Variants in CYP2J2 observed in about 807,000 individuals in gnomAD.
The protein encoded by CYP2J2 is cytochrome P450 family 2 subfamily J member 2.
Under a neutral mutation model 48.8 loss-of-function variants are expected in CYP2J2, and 41 were observed. The observed-to-expected ratio is 0.84, with a 90% confidence interval of 0.66 to 1.09. The LOEUF (loss-of-function observed/expected upper bound fraction) is 1.09, where lower values mean the gene tolerates loss of function less well. Ranked by LOEUF, CYP2J2 falls within the 50% of genes least tolerant of loss-of-function variation. CYP2J2 has a pLI of 0.00. For missense variants in CYP2J2, 644 were observed against 617.3 expected, an observed-to-expected ratio of 1.04 and a Z score of -0.46; for synonymous variants, 221 against 227.1, an observed-to-expected ratio of 0.97 and a Z score of 0.24.
At chr1:59,911,091 T>C (rs1357321138) in intron 4 of CYP2J2, among the ~76,000 whole-genome samples, 3 of 152,188 alleles carry the variant, frequency 2.0e-5, no homozygotes, top group Non-Finnish European at 2.9e-5. Flanking sequence ...GCTTTATTCA[T>C]AGCATCCAAA....
intron 7 of CYP2J2, among the ~76,000 whole-genome samples, chr1:59,903,708 A>C (rs968451599): frequency 4.6e-5 from 7 of 152,252 alleles, no homozygotes; most frequent in African/African-American, 1.7e-4. Context: ...ACTTGTGAGT[A>C]CAGGGAATTT....
At chr1:59,904,034 TA>T (rs1273762635) in intron 7 of CYP2J2, among the ~76,000 whole-genome samples, 1 of 152,234 alleles carries the variant, frequency 6.6e-6, no homozygotes, top group Non-Finnish European at 1.5e-5. Context: ...CCCTTCCCAA[TA>T]ATGAATATTG....
intron 7 of CYP2J2, 89 bp from the exon 8 acceptor site, chr1:59,901,192 C>A: frequency 2.1e-6 from 3 of 1,451,998 alleles, no homozygotes; most frequent in South Asian, 1.3e-5. Flanking sequence ...GCTTCCTTGC[C>A]GGGGGCCTGA....
At chr1:59,916,687 C>T (rs1399281758) in intron 1 of CYP2J2, among the ~76,000 whole-genome samples, 1 of 152,144 alleles carries the variant, frequency 6.6e-6, no homozygotes, top group African/African-American at 2.4e-5. Flanking sequence ...GAGCCATGAT[C>T]GTGCCATGGC....
At chr1:59,968,181 T>TC in the CYP2J2 span, among the ~76,000 whole-genome samples, 1 of 152,238 alleles carries the variant, frequency 6.6e-6, no homozygotes, top group African/African-American at 2.4e-5. Context: ...ACTGCCTGAC[T>TC]CTTTCCTTTC....
chr1:59,916,644 G>T (rs932679949), intron 1 of CYP2J2, among the ~76,000 whole-genome samples: 1 of 152,122 alleles, frequency 6.6e-6, no homozygotes. Context: ...GAGGTGGGAA[G>T]GTCACTTGAG....
chr1:59,949,949 T>C, the CYP2J2 span, among the ~76,000 whole-genome samples: 67 of 152,294 alleles, frequency 4.4e-4, 1 homozygote, highest in South Asian at 0.013. Context: ...GATGCTCTTT[T>C]CTTTTTCCTC....
At chr1:59,956,350 T>A in the CYP2J2 span, among the ~76,000 whole-genome samples, 1 of 152,172 alleles carries the variant, frequency 6.6e-6, no homozygotes, top group South Asian at 2.1e-4. Flanking sequence ...GGATGTTCCA[T>A]CAGAATGTGA....
the CYP2J2 span, among the ~76,000 whole-genome samples, chr1:59,936,368 T>C: frequency 2.0e-5 from 3 of 152,218 alleles, no homozygotes; most frequent in African/African-American, 4.8e-5. Context: ...TCCTTTACCC[T>C]GCGTCACACG....
chr1:59,927,002 T>C (rs910242734), upstream of CYP2J2, among the ~76,000 whole-genome samples: 1 of 152,236 alleles, frequency 6.6e-6, no homozygotes, highest in African/African-American at 2.4e-5. Context: ...TGAGCCTCTG[T>C]TCGGTTCAAT....
the CYP2J2 span, among the ~76,000 whole-genome samples, chr1:59,955,361 C>T: frequency 1.3e-5 from 2 of 150,290 alleles, no homozygotes; most frequent in Non-Finnish European, 1.5e-5. Context: ...CGAGAGAATG[C>T]TGAGTGCCAA....
At chr1:59,899,748 T>C (rs963029385) in intron 8 of CYP2J2, among the ~76,000 whole-genome samples, 2 of 152,202 alleles carry the variant, frequency 1.3e-5, no homozygotes, top group African/African-American at 4.8e-5. Flanking sequence ...AAAGTGGTTA[T>C]AGTAATATAA....
At chr1:59,924,330 TATG>T (rs1430172009) in intron 1 of CYP2J2, among the ~76,000 whole-genome samples, 7 of 152,262 alleles carry the variant, frequency 4.6e-5, no homozygotes, top group Admixed American at 3.9e-4. Context: ...TCTGAAAGGA[TATG>T]ATAAGCTTGT....
chr1:59,935,027 T>TATATATATATATATATATATAC, the CYP2J2 span, among the ~76,000 whole-genome samples: 4 of 100,140 alleles, frequency 4.0e-5, no homozygotes, highest in South Asian at 8.9e-4. Flanking sequence ...TATATATATA[T>TATATATATATATATATATATAC]ATATATATAT....
the CYP2J2 span, among the ~76,000 whole-genome samples, chr1:59,952,099 CTG>C: frequency 2.0e-5 from 3 of 152,102 alleles, no homozygotes; most frequent in Non-Finnish European, 2.9e-5. Flanking sequence ...CCAAATGAGA[CTG>C]TGTTTCAGAT....
chr1:59,905,433 C>A (rs895984719), intron 6 of CYP2J2, among the ~76,000 whole-genome samples: 5 of 152,186 alleles, frequency 3.3e-5, no homozygotes, highest in Non-Finnish European at 7.3e-5. Context: ...GTACTACTCC[C>A]ATTCCTGAAG....
Position 59,901,620 on chromosome 1 carries a change from C to A in CYP2J2, c.1192-517G>T, listed in dbSNP as rs531845183. Among the ~76,000 whole-genome samples, 28 of 152,306 alleles carry A rather than the reference C, an allele frequency of 1.8e-4. 1 individual carries two copies. In the East Asian group the frequency reaches 4.6e-3, roughly 25 times the overall value. ...AGTAATAGAATCAGGTAGACCCATG[C>A]AAGGAGCCCCTGTCCATCCAGGTAC... On this transcript the variant is annotated intron_variant, in intron 7 of 8. Transcript: ENST00000371204.
Position 59,909,694 on chromosome 1 carries a change from T to G in CYP2J2, c.861+90A>C, listed in dbSNP as rs970908897. Reference sequence around the variant, plus strand: ...TCTGTGCTATTTTAGGCACCAAGTTTGTGATCATATTTTACAGCAGCAGTT... The same window carrying G: ...TCTGTGCTATTTTAGGCACCAAGTTGGTGATCATATTTTACAGCAGCAGTT... On this transcript the variant is annotated intron_variant, in intron 5 of 8. Coordinates refer to ENST00000371204, the MANE Select transcript of CYP2J2 (RefSeq NM_000775.4). 8 of 924,568 alleles carry G rather than the reference T, an allele frequency of 8.7e-6. No homozygotes were observed. The Admixed American group carries it at 8.7e-5, about 10-fold the overall frequency. The allele number at this position is 924,568 out of a possible 1,614,324, so 57.3% of individuals were successfully genotyped here. A position where few individuals can be genotyped will look rare whatever the true frequency, so the allele number is the denominator to read the frequency against.
At chr1:59,960,837 C>T in the CYP2J2 span, among the ~76,000 whole-genome samples, 27 of 152,222 alleles carry the variant, frequency 1.8e-4, no homozygotes, top group Admixed American at 1.6e-3. Flanking sequence ...AAGACTCCAT[C>T]ATCTTAAAAA....
Sources: allele counts gnomAD v4.1 joint callset (sites outside exome capture counted in the v4.1 genomes callset), GRCh38; gene constraint gnomAD v4.1.1; transcripts MANE v1.5; gene names NCBI Gene and HGNC (gene_info 2026-07-23, HGNC 2026-07-21).